The following CRB1 variants were observed in gnomAD, a reference collection of about 807,000 sequenced individuals.
CRB1 encodes the protein protein crumbs homolog 1.
CRB1 carries 83 observed loss-of-function variants against 120.0 expected under a neutral mutation model. The ratio of observed to expected loss-of-function variants is 0.69; its 90% CI spans 0.58 to 0.83. The LOEUF (loss-of-function observed/expected upper bound fraction) is 0.83. CRB1 is among the 40% of genes least tolerant of loss of function. The pLI is 0.00. For missense variants in CRB1, 1,699 were observed against 1,687.6 expected (o/e 1.01, Z -0.12); for synonymous variants, 625 against 612.5 (o/e 1.02, Z -0.30).
chr1:197,321,478 T>C (rs192075133), intron 1 of CRB1, among the ~76,000 whole-genome samples: 2 of 152,184 alleles, frequency 1.3e-5, no homozygotes, highest in Non-Finnish European at 2.9e-5. Context: ...TGTTCAAGCA[T>C]AGTGAGCCAT....
chr1:197,322,072 A>G (rs1256916854), intron 1 of CRB1, among the ~76,000 whole-genome samples: 5 of 152,230 alleles, frequency 3.3e-5, no homozygotes, highest in Non-Finnish European at 5.9e-5. Context: ...GTAGCCATTA[A>G]TCACATATGG....
At chr1:197,439,352 T>C (rs1351649690) in intron 10 of CRB1, 3 of 153,076 alleles carry the variant, frequency 2.0e-5, no homozygotes, top group African/African-American at 7.2e-5. Flanking sequence ...AAGCAGATAA[T>C]TGTTAACCTT....
intron 4 of CRB1, among the ~76,000 whole-genome samples, chr1:197,347,861 T>A (rs1571878906): frequency 6.6e-6 from 1 of 152,202 alleles, no homozygotes; most frequent in African/African-American, 2.4e-5. Context: ...AAACTTGTAT[T>A]CTCTTAGGCA....
At position 197,477,744 on chromosome 1, in the gene CRB1, C is replaced by T. The variant is rs2125573975; in HGVS notation, c.4086C>T (p.Ala1362=). ...CCTTGTTACTGATCCTCTTGCTGGC[C>T]ATTGTTGCTTCTGTTGTCACCTCCA... ...TVALLLILLL[A]IVASVVTSNK... is the part of the protein sequence containing the mutation. Residue 1362 remains alanine (A), a synonymous_variant, in exon 12 of 12, where the codon GCC becomes GCT. Coordinates refer to ENST00000367400, the MANE Select transcript of CRB1 (RefSeq NM_201253.3). 1.2e-6 allele frequency: 2 copies of T among 1,613,922 alleles called. No individual in the cohort carries two copies. The highest frequency in any genetic ancestry group is 1.7e-6 in the Non-Finnish European group (2 of 1,179,900).
At chr1:197,392,044 A>T (rs1662532568) in intron 5 of CRB1, among the ~76,000 whole-genome samples, 1 of 152,056 alleles carries the variant, frequency 6.6e-6, no homozygotes, top group Non-Finnish European at 1.5e-5. Context: ...CAGAGGGCTT[A>T]CAAGGCTGGT....
the CRB1 span, among the ~76,000 whole-genome samples, chr1:197,259,128 C>T: frequency 6.6e-6 from 1 of 152,308 alleles, no homozygotes; most frequent in South Asian, 2.1e-4. Flanking sequence ...GATGATTCCT[C>T]AAGGATCTAG....
At chr1:197,258,690 A>G in the CRB1 span, among the ~76,000 whole-genome samples, 318 of 152,106 alleles carry the variant, frequency 2.1e-3, 2 homozygotes, top group African/African-American at 7.1e-3. Flanking sequence ...GTGGCTGCTG[A>G]CCCTCTCCTT....
chr1:197,215,488 G>C, the CRB1 span, among the ~76,000 whole-genome samples: 1 of 151,996 alleles, frequency 6.6e-6, no homozygotes, highest in Non-Finnish European at 1.5e-5. Context: ...TGTTGGTCAG[G>C]CTGGTCTCGA....
At chr1:197,321,675 C>G (rs1295084445) in intron 1 of CRB1, among the ~76,000 whole-genome samples, 5 of 152,102 alleles carry the variant, frequency 3.3e-5, no homozygotes, top group African/African-American at 1.2e-4. Context: ...AGTTTGTTTG[C>G]TAATTGTAAG....
chr1:197,264,372 A>G (rs1654585430), upstream of CRB1, among the ~76,000 whole-genome samples: 1 of 152,218 alleles, frequency 6.6e-6, no homozygotes, highest in Non-Finnish European at 1.5e-5. Context: ...CCAATCATCC[A>G]TTGATGGACA....
chr1:197,361,393 T>C (rs1465923182), intron 5 of CRB1, among the ~76,000 whole-genome samples: 1 of 152,148 alleles, frequency 6.6e-6, no homozygotes, highest in African/African-American at 2.4e-5. Flanking sequence ...ATTTTCTGGA[T>C]CTTTTGAATT....
At chr1:197,250,575 T>TTA in the CRB1 span, among the ~76,000 whole-genome samples, 1 of 151,988 alleles carries the variant, frequency 6.6e-6, no homozygotes, top group East Asian at 1.9e-4. Flanking sequence ...TTGATATACG[T>TTA]TATACCAGCT....
intron 4 of CRB1, among the ~76,000 whole-genome samples, chr1:197,349,889 A>G (rs894851358): frequency 2.0e-5 from 3 of 151,880 alleles, no homozygotes; most frequent in African/African-American, 7.3e-5. Context: ...TCATGAGGTC[A>G]GGAGATCGAG....
intron 1 of CRB1, among the ~76,000 whole-genome samples, chr1:197,324,211 G>T (rs1250040026): frequency 1.3e-5 from 2 of 152,132 alleles, no homozygotes; most frequent in Non-Finnish European, 2.9e-5. Flanking sequence ...TATTAGGTAT[G>T]ATTCTCAGAG....
chr1:197,327,776 G>A (rs533640412), intron 1 of CRB1, among the ~76,000 whole-genome samples: 13 of 152,276 alleles, frequency 8.5e-5, no homozygotes, highest in Admixed American at 3.3e-4. Context: ...GTCTCTAGGG[G>A]AGGCAGGAGA....
the CRB1 span, among the ~76,000 whole-genome samples, chr1:197,236,409 C>A: frequency 5.3e-5 from 8 of 152,066 alleles, no homozygotes; most frequent in African/African-American, 9.6e-5. Flanking sequence ...CCATGTTGGC[C>A]GGGCTGGTCT....
At chr1:197,462,896 T>TC (rs1424959875) in intron 11 of CRB1, among the ~76,000 whole-genome samples, 2 of 151,302 alleles carry the variant, frequency 1.3e-5, no homozygotes, top group African/African-American at 4.9e-5. Context: ...ATCTTTTTTT[T>TC]TTTTCTTCAC....
At chr1:197,263,939 T>C (rs1385315585), upstream of CRB1, among the ~76,000 whole-genome samples, 5 of 152,212 alleles carry the variant, frequency 3.3e-5, no homozygotes, top group Admixed American at 2.6e-4. Flanking sequence ...TCATGTCTTG[T>C]TCTTGTTTTA....
At chr1:197,312,984 C>T (rs1657629500) in intron 1 of CRB1, among the ~76,000 whole-genome samples, 1 of 152,132 alleles carries the variant, frequency 6.6e-6, no homozygotes. Flanking sequence ...AAAGAACTAC[C>T]TGAGACTGGG....
Sources: gnomAD v4.1 joint callset for allele counts (sites outside exome capture counted in the v4.1 genomes callset) on GRCh38, gnomAD v4.1.1 for gene constraint, MANE v1.5 for transcripts, NCBI Gene and HGNC (gene_info 2026-07-23, HGNC 2026-07-21) for gene names.